Variants in PXDNL observed in about 807,000 individuals in gnomAD.
PXDNL encodes probable oxidoreductase PXDNL.
In PXDNL, 145 loss-of-function variants were observed where a neutral mutation model predicts 150.8. The ratio of observed to expected loss-of-function variants is 0.96; its 90% CI spans 0.84 to 1.10. PXDNL has a LOEUF of 1.10. Among genes scored for constraint, PXDNL ranks in the 50% least tolerant of loss-of-function variants. The pLI, the probability that PXDNL is intolerant of heterozygous loss-of-function variation, is 0.00. For missense variants in PXDNL, 2,087 were observed against 1,873.9 expected, an observed-to-expected ratio of 1.11 and a Z score of -2.10; for synonymous variants, 757 against 725.7, an observed-to-expected ratio of 1.04 and a Z score of -0.69.
At chr8:51,746,122 C>A (rs947844870) in intron 1 of PXDNL, among the ~76,000 whole-genome samples, 1 of 152,222 alleles carries the variant, frequency 6.6e-6, no homozygotes, top group Non-Finnish European at 1.5e-5. Flanking sequence ...ATTAGCAAGA[C>A]TTCCATCTCC....
At chr8:51,723,184 C>G (rs1019383527) in intron 1 of PXDNL, among the ~76,000 whole-genome samples, 18 of 145,870 alleles carry the variant, frequency 1.2e-4, no homozygotes, top group African/African-American at 4.6e-4. Flanking sequence ...GACAATTAGT[C>G]TCCCTTCTGG....
intron 8 of PXDNL, among the ~76,000 whole-genome samples, chr8:51,461,253 A>G (rs1249327967): frequency 6.6e-6 from 1 of 152,208 alleles, no homozygotes; most frequent in Non-Finnish European, 1.5e-5. Flanking sequence ...CACTGAGAAG[A>G]GTGAAATGCA....
At chr8:51,455,025 C>T in intron 9 of PXDNL, among the ~76,000 whole-genome samples, 1 of 90,218 alleles carries the variant, frequency 1.1e-5, no homozygotes, top group South Asian at 3.5e-4. Context: ...AGGAGAATGG[C>T]GTGAACCCGG....
intron 1 of PXDNL, among the ~76,000 whole-genome samples, chr8:51,776,808 C>T (rs34073804): frequency 0.18 from 27,373 of 151,944 alleles, 2,879 homozygotes; most frequent in Non-Finnish European, 0.23. Context: ...CACCTCTTTC[C>T]CCTCCTGCAA....
intron 1 of PXDNL, among the ~76,000 whole-genome samples, chr8:51,791,097 G>GC (rs1369446313): frequency 6.6e-6 from 1 of 152,098 alleles, no homozygotes; most frequent in Non-Finnish European, 1.5e-5. Flanking sequence ...GAAGCTACTT[G>GC]CCCAAAGACA....
At chr8:51,747,924 C>T (rs2037003024) in intron 1 of PXDNL, among the ~76,000 whole-genome samples, 1 of 152,174 alleles carries the variant, frequency 6.6e-6, no homozygotes, top group African/African-American at 2.4e-5. Flanking sequence ...CCTTCACACA[C>T]AAGCTGGCAG....
rs536889469 is a variant in PXDNL, at chr8:51,661,036, AAGG to A, written c.165-6279_165-6277del. Among the ~76,000 whole-genome samples the A allele has an allele frequency of 4.3e-3, 662 of 152,284 alleles. 7 individuals are homozygous for A. The highest frequency in any genetic ancestry group is 0.015 in the African/African-American group (629 of 41,558). On this transcript the variant is annotated intron_variant, in intron 1 of 22. Transcript: ENST00000356297. ...CGGCCTTGGAGTCAGGGGAAGAATC[AAGG>A]AGATTTTTCCACACCTCTCCCTGTT...
intron 1 of PXDNL, among the ~76,000 whole-genome samples, chr8:51,669,742 C>A (rs1408928075): frequency 6.6e-6 from 1 of 152,170 alleles, no homozygotes; most frequent in African/African-American, 2.4e-5. Flanking sequence ...TTTAGCTGAG[C>A]TTCCCTGACC....
At chr8:51,374,394 C>A (rs527435065) in intron 18 of PXDNL, among the ~76,000 whole-genome samples, 1 of 152,324 alleles carries the variant, frequency 6.6e-6, no homozygotes, top group African/African-American at 2.4e-5. Flanking sequence ...TCTGTTTCTT[C>A]TCTTCTTACA....
intron 1 of PXDNL, among the ~76,000 whole-genome samples, chr8:51,742,563 TATCTC>T: frequency 6.6e-6 from 1 of 152,088 alleles, no homozygotes; most frequent in East Asian, 1.9e-4. Flanking sequence ...AATCCACAGT[TATCTC>T]AAGCAGTTTT....
intron 1 of PXDNL, among the ~76,000 whole-genome samples, chr8:51,741,657 C>T (rs1418484545): frequency 6.6e-6 from 1 of 152,028 alleles, no homozygotes; most frequent in Non-Finnish European, 1.5e-5. Flanking sequence ...GTCAATGAAA[C>T]AAAATAGAGA....
chr8:51,804,126 T>C (rs1158281223), intron 1 of PXDNL, among the ~76,000 whole-genome samples: 1 of 152,196 alleles, frequency 6.6e-6, no homozygotes, highest in Admixed American at 6.5e-5. Flanking sequence ...AATCAGTTTA[T>C]GTAAGATGAA....
chr8:51,732,601 C>A (rs1415734764), intron 1 of PXDNL, among the ~76,000 whole-genome samples: 1 of 152,174 alleles, frequency 6.6e-6, no homozygotes, highest in African/African-American at 2.4e-5. Context: ...AGTCTGTTCT[C>A]ACCCTGCTAA....
Position 51,447,072 on chromosome 8 carries a change from T to C in PXDNL, c.1457A>G (p.Tyr486Cys). ...CAACGAACTGACTGCTTGACATTCA[T>C]ATTGGCCTTGATCGTGCTGTGCTGC... Reference protein sequence around the residue: ...DRAAQHDQGQYECQAVSSLGV... With the variant: ...DRAAQHDQGQCECQAVSSLGV... The change falls in exon 12 of 23, where the codon TAT (tyrosine) becomes TGT (cysteine). Residue 486 changes from tyrosine (Y) to cysteine (C), a missense_variant. Tyr to Cys is a radical substitution (Grantham distance 194, BLOSUM62 -2). Coordinates refer to ENST00000356297, the MANE Select transcript of PXDNL (RefSeq NM_144651.5). 1.2e-6 allele frequency: 2 copies of C among 1,614,036 alleles called. No individual in the cohort carries two copies. Among genetic ancestry groups the C allele is most frequent in the Middle Eastern group, 1.6e-4 (1 of 6,062 alleles).
chr8:51,470,155 T>C (rs977187187), intron 8 of PXDNL, among the ~76,000 whole-genome samples: 5 of 152,066 alleles, frequency 3.3e-5, no homozygotes, highest in African/African-American at 1.2e-4. Flanking sequence ...CAAGCAGCGA[T>C]TTCTGTTTAT....
At chr8:51,374,276 A>C (rs929745784) in intron 18 of PXDNL, among the ~76,000 whole-genome samples, 2 of 152,196 alleles carry the variant, frequency 1.3e-5, no homozygotes, top group African/African-American at 4.8e-5. Context: ...TGAGTGATAC[A>C]TGTCTAAAGT....
intron 3 of PXDNL, among the ~76,000 whole-genome samples, chr8:51,568,452 T>C (rs2130583998): frequency 6.6e-6 from 1 of 152,052 alleles, no homozygotes. Context: ...TGCTTACATG[T>C]TTTCTGAGAA....
At chr8:51,458,800 C>T (rs1055423970) in intron 8 of PXDNL, among the ~76,000 whole-genome samples, 2 of 152,158 alleles carry the variant, frequency 1.3e-5, no homozygotes. Flanking sequence ...TCTTATCTAA[C>T]CATTTTTTGT....
intron 2 of PXDNL, among the ~76,000 whole-genome samples, chr8:51,649,566 C>T (rs1814992231): frequency 1.3e-5 from 2 of 152,082 alleles, no homozygotes; most frequent in African/African-American, 4.8e-5. Context: ...GCACCTACCA[C>T]AACACTTCAC....
Sources: gnomAD v4.1 joint callset for allele counts (sites outside exome capture counted in the v4.1 genomes callset) on GRCh38, gnomAD v4.1.1 for gene constraint, MANE v1.5 for transcripts, NCBI Gene and HGNC (gene_info 2026-07-23, HGNC 2026-07-21) for gene names.